GPR139: variants seen among roughly 807,000 people sequenced by gnomAD.
GPR139 encodes G protein-coupled receptor 139.
Under a neutral mutation model 25.8 loss-of-function variants are expected in GPR139, and 12 were observed. The ratio of observed to expected loss-of-function variants is 0.47; its 90% CI spans 0.30 to 0.75. GPR139 has a LOEUF of 0.75. GPR139 is among the 30% of genes least tolerant of loss of function. The probability of loss-of-function intolerance (pLI) is 0.07; values close to 1 mark genes in which losing one functional copy is unlikely to be tolerated. For synonymous variants in GPR139, 184 were observed against 179.9 expected (o/e 1.02, Z -0.18); for missense variants, 380 against 450.2 (o/e 0.84, Z 1.41).
intron 1 of GPR139, among the ~76,000 whole-genome samples, chr16:20,045,670 C>CAA (rs2057351898): frequency 6.6e-6 from 1 of 152,164 alleles, no homozygotes; most frequent in Non-Finnish European, 1.5e-5. Flanking sequence ...TGAGAATGCT[C>CAA]GCCACTCCCA....
chr16:20,052,877 T>A (rs2057377294), intron 1 of GPR139, among the ~76,000 whole-genome samples: 1 of 152,114 alleles, frequency 6.6e-6, no homozygotes, highest in South Asian at 2.1e-4. Flanking sequence ...TAATTTTAAG[T>A]TCCAGAGTAC....
intron 1 of GPR139, among the ~76,000 whole-genome samples, chr16:20,070,728 G>A (rs1471934775): frequency 6.6e-6 from 1 of 152,234 alleles, no homozygotes; most frequent in African/African-American, 2.4e-5. Flanking sequence ...CCACTGCCAG[G>A]AATAGTGATT....
At chr16:20,038,345 G>A (rs1282069936) in intron 1 of GPR139, among the ~76,000 whole-genome samples, 9 of 113,728 alleles carry the variant, frequency 7.9e-5, no homozygotes, top group Admixed American at 6.0e-4. Context: ...GTGTGTGTGT[G>A]TGTGTGTGTG....
chr16:20,066,777 C>G (rs571720203), intron 1 of GPR139, among the ~76,000 whole-genome samples: 1 of 152,202 alleles, frequency 6.6e-6, no homozygotes, highest in Non-Finnish European at 1.5e-5. Flanking sequence ...AGAGTGAACA[C>G]GTGCCGAGAA....
At chr16:20,046,567 C>T (rs2057355017) in intron 1 of GPR139, among the ~76,000 whole-genome samples, 1 of 152,154 alleles carries the variant, frequency 6.6e-6, no homozygotes, top group Non-Finnish European at 1.5e-5. Flanking sequence ...AAAGAGGCTA[C>T]ATGACCAAGT....
intron 1 of GPR139, among the ~76,000 whole-genome samples, chr16:20,037,589 A>G (rs1013820203): frequency 6.6e-6 from 1 of 152,192 alleles, no homozygotes; most frequent in Non-Finnish European, 1.5e-5. Context: ...TTATGTTCAT[A>G]GAACAGAGAG....
intron 1 of GPR139, among the ~76,000 whole-genome samples, chr16:20,048,011 C>G (rs563439351): frequency 6.6e-6 from 1 of 152,262 alleles, no homozygotes; most frequent in African/African-American, 2.4e-5. Context: ...AGGAAGTGTG[C>G]CTGCTTTGCT....
At chr16:20,061,058 CCT>C (rs71821004) in intron 1 of GPR139, among the ~76,000 whole-genome samples, 4,924 of 16,996 alleles carry the variant, frequency 0.29, 269 homozygotes, top group African/African-American at 0.45. Context: ...GCTAGTCTTT[CCT>C]CTGTGTGTGT....
intron 1 of GPR139, among the ~76,000 whole-genome samples, chr16:20,038,561 G>A (rs2057319474): frequency 6.6e-6 from 1 of 152,094 alleles, no homozygotes. Context: ...ATTTCCTTAA[G>A]TTTCTAGTGA....
intron 1 of GPR139, among the ~76,000 whole-genome samples, chr16:20,063,498 C>G (rs1411900276): frequency 6.6e-6 from 1 of 151,884 alleles, no homozygotes; most frequent in Non-Finnish European, 1.5e-5. Flanking sequence ...AGAGTGAGCC[C>G]CTGTCTAAAA....
intron 1 of GPR139, among the ~76,000 whole-genome samples, chr16:20,067,752 C>T (rs1015475778): frequency 2.3e-5 from 3 of 132,034 alleles, no homozygotes; most frequent in Admixed American, 9.2e-5. Flanking sequence ...TGCGGTGAGC[C>T]GAGATTGCAC....
intron 1 of GPR139, among the ~76,000 whole-genome samples, chr16:20,052,786 C>T (rs1396863646): frequency 2.3e-5 from 2 of 88,120 alleles, no homozygotes; most frequent in Non-Finnish European, 3.8e-5. Context: ...AAGACTCCAT[C>T]TCAAAAAAAA....
At chr16:20,072,633 A>G (rs1374329077) in intron 1 of GPR139, among the ~76,000 whole-genome samples, 1 of 152,156 alleles carries the variant, frequency 6.6e-6, no homozygotes, top group Non-Finnish European at 1.5e-5. Flanking sequence ...CACACGGCCC[A>G]GGCAAGCACT....
intron 1 of GPR139, among the ~76,000 whole-genome samples, chr16:20,058,382 G>A (rs776112608): frequency 1.6e-4 from 25 of 151,998 alleles, no homozygotes; most frequent in Non-Finnish European, 3.5e-4. Flanking sequence ...AGTCAAATTT[G>A]AGGAAGGCGT....
intron 1 of GPR139, among the ~76,000 whole-genome samples, chr16:20,062,592 G>T (rs1470778967): frequency 2.0e-5 from 3 of 152,112 alleles, no homozygotes; most frequent in African/African-American, 7.2e-5. Flanking sequence ...CACCAACTTT[G>T]TGATTTTTGC....
intron 1 of GPR139, among the ~76,000 whole-genome samples, chr16:20,057,463 G>T (rs2057393559): frequency 6.6e-6 from 1 of 152,010 alleles, no homozygotes; most frequent in Non-Finnish European, 1.5e-5. Context: ...CTAGTATGAA[G>T]ATTACATTTA....
Position 20,073,851 on chromosome 16 carries a change from C to T in GPR139, c.-235G>A. On this transcript the variant is annotated 5_prime_UTR_variant, in exon 1 of 2. Transcript: ENST00000570682. The surrounding 1 kb of genome is among the most constrained non-coding windows in gnomAD (Gnocchi z 4.7). ...CGCGGGGCGCAGGGTGCGGGGCGCGCTGCGCGGGGCCTCGGGAGGGGCTCC... is the reference window on the plus strand; with the variant it reads ...CGCGGGGCGCAGGGTGCGGGGCGCGTTGCGCGGGGCCTCGGGAGGGGCTCC... 1 of 478,178 alleles carries T rather than the reference C, an allele frequency of 2.1e-6. No individual in the cohort carries two copies. The highest frequency in any genetic ancestry group is 3.5e-6 in the Non-Finnish European group (1 of 281,996). The allele number at this position is 478,178 out of a possible 1,614,324, so 29.6% of individuals were successfully genotyped here.
Position 20,030,209 on chromosome 16 carries a change from TC to T in GPR139, c.*1525del, listed in dbSNP as rs1290065324. ...TCCCTTAAAAAAGATAGACATGTCTTCCAACTTAGGGACAAAATGCAGTAAA... is the reference window on the plus strand; with the variant it reads ...TCCCTTAAAAAAGATAGACATGTCTTCAACTTAGGGACAAAATGCAGTAAA... On this transcript the variant is annotated 3_prime_UTR_variant, in exon 2 of 2. Transcript: ENST00000570682. 6.6e-6 allele frequency among the ~76,000 whole-genome samples: 1 copy of T among 152,192 alleles called. No homozygotes were observed. The highest frequency in any genetic ancestry group is 1.9e-4 in the East Asian group (1 of 5,186).
At chr16:20,057,340 A>T (rs566745679) in intron 1 of GPR139, among the ~76,000 whole-genome samples, 19 of 152,308 alleles carry the variant, frequency 1.2e-4, no homozygotes, top group African/African-American at 4.3e-4. Context: ...GGCAACATGG[A>T]GCAACATTTT....
Sources: allele counts gnomAD v4.1 joint callset (sites outside exome capture counted in the v4.1 genomes callset), GRCh38; gene constraint gnomAD v4.1.1; non-coding constraint Gnocchi (gnomAD v3.1); transcripts MANE v1.5; gene names NCBI Gene and HGNC (gene_info 2026-07-23, HGNC 2026-07-21).